Variants in FBXO42 observed in about 807,000 individuals in gnomAD.
FBXO42 encodes the protein F-box protein 42, also known as F-box only protein 42.
A neutral mutation model predicts 71.7 loss-of-function variants in FBXO42; 12 were observed. That is an observed-to-expected ratio of 0.17 (90% CI 0.11 to 0.27). The LOEUF (loss-of-function observed/expected upper bound fraction) is 0.27. Among genes scored for constraint, FBXO42 ranks in the 10% least tolerant of loss-of-function variants. The pLI, the probability that FBXO42 is intolerant of heterozygous loss-of-function variation, is 1.00. For missense variants in FBXO42, 707 were observed against 911.9 expected, an observed-to-expected ratio of 0.78 and a Z score of 2.89; for synonymous variants, 325 against 327.5, an observed-to-expected ratio of 0.99 and a Z score of 0.08.
intron 1 of FBXO42, among the ~76,000 whole-genome samples, chr1:16,339,073 G>A (rs1249553182): frequency 1.3e-5 from 2 of 152,094 alleles, no homozygotes; most frequent in South Asian, 2.1e-4. Flanking sequence ...GCCTACCAAA[G>A]TGCTGGGATT....
At chr1:16,336,871 G>C (rs571782585) in intron 1 of FBXO42, among the ~76,000 whole-genome samples, 25 of 152,198 alleles carry the variant, frequency 1.6e-4, no homozygotes, top group African/African-American at 6.0e-4. Flanking sequence ...CGTAATTCTA[G>C]CTACTTGGGA....
intron 4 of FBXO42, 110 bp downstream of exon 4, chr1:16,294,673 T>G (rs1480840831): frequency 1.8e-6 from 2 of 1,109,754 alleles, no homozygotes; most frequent in South Asian, 3.2e-5. Context: ...CTTAAGGACC[T>G]GAGTCCCAGT....
chr1:16,272,148 C>A (rs1413889555), intron 4 of FBXO42, among the ~76,000 whole-genome samples: 3 of 134,712 alleles, frequency 2.2e-5, no homozygotes, highest in Non-Finnish European at 4.8e-5. Context: ...GAGCAAGACT[C>A]CGTCCCAAAA....
Position 16,251,826 on chromosome 1 carries a change from C to T in FBXO42, c.1039-41G>A, listed in dbSNP as rs1464531384. On this transcript the variant is annotated intron_variant, in intron 9 of 9. Transcript: ENST00000375592. The surrounding 1 kb of genome is among the most constrained non-coding windows in gnomAD (Gnocchi z 4.5). ...CCAGTGCTCACACTCTTCTATGATT[C>T]TGATTGTTCATTCAACTGTCAAACA... is the stretch of plus-strand genomic sequence containing the variant. 6.4e-7 allele frequency: 1 copy of T among 1,565,038 alleles called. No homozygotes were observed. The highest frequency in any genetic ancestry group is 8.7e-7 in the Non-Finnish European group (1 of 1,155,636).
chr1:16,298,999 C>G (rs1166645303), intron 3 of FBXO42, among the ~76,000 whole-genome samples: 1 of 151,882 alleles, frequency 6.6e-6, no homozygotes, highest in Non-Finnish European at 1.5e-5. Context: ...AAAAAGGTAA[C>G]AAACATTTTT....
chr1:16,282,965 AGT>A (rs2081980413), intron 4 of FBXO42, among the ~76,000 whole-genome samples: 1 of 149,274 alleles, frequency 6.7e-6, no homozygotes, highest in African/African-American at 2.5e-5. Context: ...TGGGTGACAG[AGT>A]GAGACTCCGT....
intron 4 of FBXO42, among the ~76,000 whole-genome samples, chr1:16,272,152 C>T (rs1381579060): frequency 1.5e-5 from 2 of 129,526 alleles, no homozygotes; most frequent in African/African-American, 2.9e-5. Flanking sequence ...AAGACTCCGT[C>T]CCAAAAAAAA....
chr1:16,270,751 TACACAC>T (rs58610558), intron 4 of FBXO42, among the ~76,000 whole-genome samples: 160 of 111,000 alleles, frequency 1.4e-3, no homozygotes, highest in South Asian at 2.8e-3. Flanking sequence ...TACCATGAGA[TACACAC>T]ACACACACAC....
rs1452807740 is a variant in FBXO42, at chr1:16,350,167, T to G, written c.-18+2088A>C. 3.9e-5 allele frequency among the ~76,000 whole-genome samples: 6 copies of G among 152,086 alleles called. No individual in the cohort carries two copies. The East Asian group carries it at 1.2e-3, about 29-fold the overall frequency. Reference sequence around the variant, plus strand: ...TCTTTTTGTAACTAAGGTAAGGAATTGCAAAGGTCAAAATCTGGAGAGCAA... The same window carrying G: ...TCTTTTTGTAACTAAGGTAAGGAATGGCAAAGGTCAAAATCTGGAGAGCAA... On this transcript the variant is annotated intron_variant, in intron 1 of 9. Coordinates refer to ENST00000375592, the MANE Select transcript of FBXO42 (RefSeq NM_018994.3).
At chr1:16,314,041 C>A (rs567057260) in intron 2 of FBXO42, among the ~76,000 whole-genome samples, 2 of 152,280 alleles carry the variant, frequency 1.3e-5, no homozygotes, top group Non-Finnish European at 2.9e-5. Flanking sequence ...GCAACCTCTG[C>A]CTCCTGGGTT....
chr1:16,297,181 T>A (rs1165029315), intron 3 of FBXO42, among the ~76,000 whole-genome samples: 5 of 151,980 alleles, frequency 3.3e-5, no homozygotes, highest in African/African-American at 1.2e-4. Flanking sequence ...TGACCTCAGG[T>A]GATCCACCCG....
At chr1:16,315,924 A>T (rs2082358589) in intron 1 of FBXO42, among the ~76,000 whole-genome samples, 1 of 152,140 alleles carries the variant, frequency 6.6e-6, no homozygotes, top group South Asian at 2.1e-4. Flanking sequence ...TAATCCCAGC[A>T]CTTTGGGAGA....
intron 4 of FBXO42, among the ~76,000 whole-genome samples, chr1:16,257,722 C>T (rs943600528): frequency 2.4e-4 from 36 of 152,110 alleles, no homozygotes; most frequent in Non-Finnish European, 3.7e-4. Flanking sequence ...GCTTTGTCAC[C>T]CAGGCTGGAG....
chr1:16,345,943 T>C (rs12048532), intron 1 of FBXO42, among the ~76,000 whole-genome samples: 51,941 of 151,770 alleles, frequency 0.34, 10,652 homozygotes, highest in East Asian at 0.68. Context: ...GGATAGCTTG[T>C]TGTGACAAAA....
intron 1 of FBXO42, among the ~76,000 whole-genome samples, chr1:16,332,477 T>C (rs1483285993): frequency 1.3e-5 from 2 of 152,168 alleles, no homozygotes; most frequent in Admixed American, 6.6e-5. Flanking sequence ...CTCCTGGAGG[T>C]TGGAAAATAA....
intron 1 of FBXO42, among the ~76,000 whole-genome samples, chr1:16,337,559 T>C (rs1431588128): frequency 6.6e-6 from 1 of 152,096 alleles, no homozygotes; most frequent in Admixed American, 6.6e-5. Context: ...TAAATTGTCA[T>C]TGAAATTAAC....
intron 1 of FBXO42, among the ~76,000 whole-genome samples, chr1:16,326,582 G>A (rs1246202453): frequency 6.6e-6 from 1 of 150,994 alleles, no homozygotes; most frequent in Non-Finnish European, 1.5e-5. Flanking sequence ...TACTCAGGAG[G>A]CCGAAGTGGG....
At chr1:16,327,725 C>T (rs192402801) in intron 1 of FBXO42, among the ~76,000 whole-genome samples, 119 of 152,248 alleles carry the variant, frequency 7.8e-4, no homozygotes, top group Admixed American at 2.0e-3. Context: ...TTTTTTAAGA[C>T]GGAGTCTCGC....
chr1:16,263,727 G>GA (rs1235998662), intron 4 of FBXO42, among the ~76,000 whole-genome samples: 10 of 99,838 alleles, frequency 1.0e-4, no homozygotes, highest in Admixed American at 5.2e-4. Flanking sequence ...CCGTCTCAAG[G>GA]AAAAAAACAA....
Sources: allele counts gnomAD v4.1 joint callset (sites outside exome capture counted in the v4.1 genomes callset), GRCh38; gene constraint gnomAD v4.1.1; non-coding constraint Gnocchi (gnomAD v3.1); transcripts MANE v1.5; gene names NCBI Gene and HGNC (gene_info 2026-07-23, HGNC 2026-07-21).